FBLN5: variants seen among roughly 807,000 people sequenced by gnomAD.
FBLN5 encodes the protein fibulin-5.
In FBLN5, 24 loss-of-function variants were observed where a neutral mutation model predicts 61.6. The ratio of observed to expected loss-of-function variants is 0.39; its 90% CI spans 0.28 to 0.55. FBLN5 has a LOEUF of 0.55. Ranked by LOEUF, FBLN5 falls within the 20% of genes least tolerant of loss-of-function variation. The probability of loss-of-function intolerance (pLI) is 0.65; values close to 1 mark genes in which losing one functional copy is unlikely to be tolerated. For missense variants in FBLN5, 470 were observed against 594.1 expected, an observed-to-expected ratio of 0.79 and a Z score of 2.17; for synonymous variants, 213 against 219.8, an observed-to-expected ratio of 0.97 and a Z score of 0.27.
chr14:91,912,719 A>C (rs1012240627), intron 4 of FBLN5, among the ~76,000 whole-genome samples: 1 of 150,966 alleles, frequency 6.6e-6, no homozygotes, highest in East Asian at 2.0e-4. Flanking sequence ...CTAAGGTTGG[A>C]GGATCGCTTG....
rs140710428 is a variant in FBLN5, at chr14:91,924,041, G to A, written c.379+12906C>T. 3.2e-3 allele frequency among the ~76,000 whole-genome samples: 485 copies of A among 152,252 alleles called. 2 individuals carry two copies. Among genetic ancestry groups the A allele is most frequent in the Middle Eastern group, 0.017 (5 of 294 alleles). On this transcript the variant is annotated intron_variant, in intron 4 of 10. Transcript: ENST00000342058. ...ACTCCCGCCAAGAGGCTGTGAACTC[G>A]CCAGGGGGTGATGATATCTGATAAA...
At chr14:91,905,354 A>C (rs764219036) in intron 4 of FBLN5, among the ~76,000 whole-genome samples, 1 of 152,108 alleles carries the variant, frequency 6.6e-6, no homozygotes, top group Non-Finnish European at 1.5e-5. Context: ...ACAAACAAGC[A>C]TGTGAGGGCG....
chr14:91,946,208 T>C (rs765108893), intron 1 of FBLN5, among the ~76,000 whole-genome samples: 2 of 151,714 alleles, frequency 1.3e-5, no homozygotes, highest in Non-Finnish European at 2.9e-5. Flanking sequence ...TCCAGGCTAA[T>C]AGGATTTTCC....
chr14:91,920,486 C>T (rs187616653), intron 4 of FBLN5, among the ~76,000 whole-genome samples: 69 of 151,474 alleles, frequency 4.6e-4, no homozygotes, highest in African/African-American at 1.6e-3. Flanking sequence ...CTTTGCACAA[C>T]TCATGATTTT....
intron 7 of FBLN5, among the ~76,000 whole-genome samples, chr14:91,885,872 G>A (rs1341018217): frequency 2.0e-5 from 3 of 152,196 alleles, no homozygotes; most frequent in East Asian, 1.9e-4. Flanking sequence ...GGAGTGCCAC[G>A]GAGGGAACTG....
intron 4 of FBLN5, among the ~76,000 whole-genome samples, chr14:91,906,378 G>T (rs1447502757): frequency 6.6e-6 from 1 of 152,154 alleles, no homozygotes; most frequent in Non-Finnish European, 1.5e-5. Flanking sequence ...AGAGGCTAAA[G>T]CCTGCTGGGA....
chr14:91,872,041 G>A (rs965602153), intron 10 of FBLN5, among the ~76,000 whole-genome samples: 1 of 152,110 alleles, frequency 6.6e-6, no homozygotes, highest in Non-Finnish European at 1.5e-5. Flanking sequence ...ATTAAGTATT[G>A]AGAAATATTG....
At chr14:91,939,998 T>C (rs754427594) in intron 3 of FBLN5, 1 of 453,370 alleles carries the variant, frequency 2.2e-6, no homozygotes, top group Non-Finnish European at 4.4e-6. Flanking sequence ...CTTGACTCGC[T>C]GTGTTGGCTT....
chr14:91,892,754 C>T (rs1890046665), intron 5 of FBLN5, among the ~76,000 whole-genome samples: 1 of 152,188 alleles, frequency 6.6e-6, no homozygotes. Flanking sequence ...GCCCCCCTGA[C>T]CCCTCATTTT....
At chr14:91,885,476 C>T (rs1889686450) in intron 7 of FBLN5, among the ~76,000 whole-genome samples, 1 of 152,298 alleles carries the variant, frequency 6.6e-6, no homozygotes, top group Non-Finnish European at 1.5e-5. Flanking sequence ...AGTGGCCCGC[C>T]TACCTTGGAT....
At chr14:91,932,374 C>A (rs2055938895) in intron 4 of FBLN5, among the ~76,000 whole-genome samples, 1 of 152,108 alleles carries the variant, frequency 6.6e-6, no homozygotes, top group Admixed American at 6.5e-5. Context: ...CAAAGTGGAA[C>A]CAAAAAGAGA....
intron 4 of FBLN5, among the ~76,000 whole-genome samples, chr14:91,903,903 C>T (rs1281191451): frequency 6.6e-6 from 1 of 152,164 alleles, no homozygotes; most frequent in African/African-American, 2.4e-5. Flanking sequence ...CTGGCAGCTC[C>T]AATCCCTCCC....
At chr14:91,902,874 T>C (rs1375389104) in intron 4 of FBLN5, among the ~76,000 whole-genome samples, 1 of 152,114 alleles carries the variant, frequency 6.6e-6, no homozygotes, top group Non-Finnish European at 1.5e-5. Context: ...GCATGTTCAC[T>C]TATAAGTGGG....
In FBLN5 at chr14:91,914,367, A is replaced by G. The variant is rs373555468; in HGVS notation, c.380-19295T>C. ...GTGGCAGGCGCCTGTAGTCCCAGCT[A>G]CTCAGGAGGCTGAGGCAGGAGAATG... On this transcript the variant is annotated intron_variant, in intron 4 of 10. Transcript: ENST00000342058. 2.3e-4 allele frequency among the ~76,000 whole-genome samples: 35 copies of G among 150,680 alleles called. No individual in the cohort carries two copies. In the East Asian group the frequency reaches 6.3e-3, roughly 27 times the overall value.
chr14:91,938,332 G>A (rs1471946373), intron 3 of FBLN5: 2 of 171,858 alleles, frequency 1.2e-5, no homozygotes, highest in South Asian at 1.1e-4. Flanking sequence ...GCACATGCCT[G>A]TAATTCCAGC....
At chr14:91,925,335 C>T (rs769318204) in intron 4 of FBLN5, among the ~76,000 whole-genome samples, 25 of 152,124 alleles carry the variant, frequency 1.6e-4, no homozygotes, top group African/African-American at 4.6e-4. Flanking sequence ...GGGGAACAGG[C>T]GGTCAGTCCT....
rs1855391035 is a variant in FBLN5, at chr14:91,915,711, A to AG, written c.380-20640dup. Among the ~76,000 whole-genome samples, 3 of 142,808 alleles carry AG rather than the reference A, an allele frequency of 2.1e-5. No individual in the cohort carries two copies. In the Admixed American group the frequency reaches 2.1e-4, roughly 10 times the overall value. The allele number at this position is 142,808 out of a possible 152,430, so 93.7% of individuals were successfully genotyped here. A position where few individuals can be genotyped will look rare whatever the true frequency, so the allele number is the denominator to read the frequency against. ...CAAAAAAAAAAAAAAAAAAAAAAAA[A>AG]GAAATCATATCAGTAGCTAAAAATC... On this transcript the variant is annotated intron_variant, in intron 4 of 10. Transcript: ENST00000342058.
chr14:91,928,349 C>A (rs74071633), intron 4 of FBLN5, among the ~76,000 whole-genome samples: 1 of 152,204 alleles, frequency 6.6e-6, no homozygotes, highest in Non-Finnish European at 1.5e-5. Flanking sequence ...GTGCCTTGAA[C>A]CTGTTTGGCA....
At chr14:91,911,924 C>T (rs928464846) in intron 4 of FBLN5, among the ~76,000 whole-genome samples, 6 of 152,102 alleles carry the variant, frequency 3.9e-5, no homozygotes, top group Middle Eastern at 6.4e-3. Context: ...AACCTGAAAG[C>T]GGAAGACCTC....
Sources: allele counts gnomAD v4.1 joint callset (sites outside exome capture counted in the v4.1 genomes callset), GRCh38; gene constraint gnomAD v4.1.1; transcripts MANE v1.5; gene names NCBI Gene and HGNC (gene_info 2026-07-23, HGNC 2026-07-21).